Variants in SSBP3 observed in about 807,000 individuals in gnomAD.
SSBP3 encodes the protein single stranded DNA binding protein 3.
Under a neutral mutation model 69.6 loss-of-function variants are expected in SSBP3, and 5 were observed. The ratio of observed to expected loss-of-function variants is 0.07; its 90% CI spans 0.04 to 0.15. The LOEUF is 0.15. Ranked by LOEUF, SSBP3 falls within the 10% of genes least tolerant of loss-of-function variation. The probability of loss-of-function intolerance (pLI) is 1.00; values close to 1 mark genes in which losing one functional copy is unlikely to be tolerated. For synonymous variants in SSBP3, 196 were observed against 193.4 expected, an observed-to-expected ratio of 1.01 and a Z score of -0.11; for missense variants, 312 against 534.0, an observed-to-expected ratio of 0.58 and a Z score of 4.10.
intron 4 of SSBP3, among the ~76,000 whole-genome samples, chr1:54,336,070 A>T (rs914413635): frequency 6.6e-6 from 1 of 152,240 alleles, no homozygotes; most frequent in Non-Finnish European, 1.5e-5. Context: ...CTACATCTGC[A>T]GAAAGAAGGG....
chr1:54,272,290 G>A (rs906827529), intron 5 of SSBP3, among the ~76,000 whole-genome samples: 5 of 152,022 alleles, frequency 3.3e-5, no homozygotes, highest in African/African-American at 1.2e-4. Context: ...AATGGCCTCT[G>A]ACCCCCAGGG....
At chr1:54,289,142 T>G (rs1408714148) in intron 4 of SSBP3, among the ~76,000 whole-genome samples, 1 of 151,874 alleles carries the variant, frequency 6.6e-6, no homozygotes, top group African/African-American at 2.4e-5. Context: ...CGGCACTTCA[T>G]TAAACACATG....
At chr1:54,312,395 G>C (rs1261350574) in intron 4 of SSBP3, among the ~76,000 whole-genome samples, 2 of 151,880 alleles carry the variant, frequency 1.3e-5, no homozygotes, top group Non-Finnish European at 2.9e-5. Flanking sequence ...TTCGAGACCA[G>C]CCTGGCCAAC....
intron 4 of SSBP3, among the ~76,000 whole-genome samples, chr1:54,400,025 A>G (rs909375464): frequency 2.6e-5 from 4 of 152,178 alleles, no homozygotes; most frequent in African/African-American, 7.2e-5. Context: ...CTCATCTCTT[A>G]GTAGCATCTT....
intron 4 of SSBP3, among the ~76,000 whole-genome samples, chr1:54,301,783 G>A (rs1463173917): frequency 6.6e-6 from 1 of 152,118 alleles, no homozygotes; most frequent in East Asian, 1.9e-4. Context: ...TAGGTTCCGG[G>A]GCCTTCACCA....
chr1:54,321,319 G>T (rs1347018524), intron 4 of SSBP3, among the ~76,000 whole-genome samples: 1 of 152,242 alleles, frequency 6.6e-6, no homozygotes, highest in Non-Finnish European at 1.5e-5. Context: ...GCAGCAGGCT[G>T]TATTCATCTC....
chr1:54,313,403 A>C (rs1646039123), intron 4 of SSBP3, among the ~76,000 whole-genome samples: 1 of 137,098 alleles, frequency 7.3e-6, no homozygotes, highest in Admixed American at 7.5e-5. Flanking sequence ...GCCAGGAACT[A>C]GGGGGGCTCA....
intron 4 of SSBP3, among the ~76,000 whole-genome samples, chr1:54,360,751 G>C (rs1475462089): frequency 6.6e-6 from 1 of 152,134 alleles, no homozygotes; most frequent in Admixed American, 6.6e-5. Flanking sequence ...CTGCAAAATG[G>C]GGGACCATGC....
At chr1:54,289,030 A>AC (rs1338321329) in intron 4 of SSBP3, among the ~76,000 whole-genome samples, 5 of 70,374 alleles carry the variant, frequency 7.1e-5, no homozygotes, top group East Asian at 2.3e-4. Flanking sequence ...CAAAAAAAAA[A>AC]AAAAAACAAA....
At chr1:54,412,598 A>G (rs1162642147) in intron 1 of SSBP3, 2 of 152,280 alleles carry the variant, frequency 1.3e-5, no homozygotes, top group African/African-American at 4.8e-5. Flanking sequence ...GGAAGATGAA[A>G]AAGATCTGGA....
intron 9 of SSBP3, among the ~76,000 whole-genome samples, chr1:54,243,896 C>G (rs904155871): frequency 6.6e-6 from 1 of 152,218 alleles, no homozygotes; most frequent in Non-Finnish European, 1.5e-5. Context: ...TCCATTTCTG[C>G]ACTCAGGGAT....
intron 4 of SSBP3, among the ~76,000 whole-genome samples, chr1:54,389,008 C>A (rs1243379653): frequency 6.6e-6 from 1 of 152,216 alleles, no homozygotes; most frequent in East Asian, 1.9e-4. Context: ...TCACTGGGGG[C>A]TCTTGAGGCA....
chr1:54,410,972 G>C (rs912359616), upstream of SSBP3, among the ~76,000 whole-genome samples: 2 of 152,164 alleles, frequency 1.3e-5, no homozygotes, highest in Non-Finnish European at 2.9e-5. Flanking sequence ...CAAACAGAGA[G>C]GTGCTAAGAA....
chr1:54,360,692 C>T (rs747664347), intron 4 of SSBP3, among the ~76,000 whole-genome samples: 54 of 152,174 alleles, frequency 3.5e-4, no homozygotes, highest in Non-Finnish European at 2.5e-4. Context: ...GCTTAGGACA[C>T]ATGAACTTGG....
At chr1:54,402,028 A>C in intron 3 of SSBP3, 83 bp from the exon 4 acceptor site, 1 of 1,233,142 alleles carries the variant, frequency 8.1e-7, no homozygotes, top group South Asian at 1.3e-5. Flanking sequence ...CATGGCGCTA[A>C]CAGTACTAGG....
intron 10 of SSBP3, chr1:54,242,993 A>G: frequency 1.9e-6 from 1 of 513,546 alleles, no homozygotes. Flanking sequence ...GTCATAGGGT[A>G]ATCATGAAGA....
At chr1:54,338,974 C>G (rs916496224) in intron 4 of SSBP3, among the ~76,000 whole-genome samples, 1 of 152,188 alleles carries the variant, frequency 6.6e-6, no homozygotes, top group Non-Finnish European at 1.5e-5. Context: ...AGCTAGTCTT[C>G]TAAACACACA....
chr1:54,322,569 G>A (rs978129034), intron 4 of SSBP3, among the ~76,000 whole-genome samples: 1 of 151,798 alleles, frequency 6.6e-6, no homozygotes, highest in Middle Eastern at 3.2e-3. Flanking sequence ...ATGTGAAAAT[G>A]CCCAAAGTCA....
intron 4 of SSBP3, among the ~76,000 whole-genome samples, chr1:54,319,309 G>A (rs180903367): frequency 7.2e-5 from 11 of 151,988 alleles, no homozygotes; most frequent in Non-Finnish European, 1.6e-4. Context: ...GCACAGTGAC[G>A]GTCACCTTCT....
Sources: gnomAD v4.1 joint callset for allele counts (sites outside exome capture counted in the v4.1 genomes callset) on GRCh38, gnomAD v4.1.1 for gene constraint, MANE v1.5 for transcripts, NCBI Gene and HGNC (gene_info 2026-07-23, HGNC 2026-07-21) for gene names.